Variants in NCOA2 observed in about 807,000 individuals in gnomAD.
The protein encoded by NCOA2 is nuclear receptor coactivator 2.
In NCOA2, 21 loss-of-function variants were observed where a neutral mutation model predicts 145.1. The ratio of observed to expected loss-of-function variants is 0.14; its 90% CI spans 0.10 to 0.21. NCOA2 has a LOEUF of 0.21. NCOA2 is among the 10% of genes least tolerant of loss of function. The pLI, the probability that NCOA2 is intolerant of heterozygous loss-of-function variation, is 1.00. For missense variants in NCOA2, 1,472 were observed against 1,837.6 expected (o/e 0.80, Z 3.64); for synonymous variants, 619 against 637.5 (o/e 0.97, Z 0.44).
chr8:70,327,446 T>G (rs552350839), intron 1 of NCOA2, among the ~76,000 whole-genome samples: 3 of 152,162 alleles, frequency 2.0e-5, no homozygotes, highest in Non-Finnish European at 4.4e-5. Context: ...GTTAAGTGAG[T>G]ACCAAAACTG....
In NCOA2 at chr8:70,144,655, C is replaced by G; in HGVS notation, c.2799G>C (p.Gly933=). ...QGMIGNQGNL[G]NSSTGMIGNS... ...TTGACCCCTTACCTGTGCTACTGTT[C>G]CCTAAATTTCCTTGGTTTCCTATCA... is the stretch of plus-strand genomic sequence containing the variant. The change falls in exon 13 of 23, where the codon GGG becomes GGC. Residue 933 remains glycine, a synonymous_variant. Transcript: ENST00000452400. 6.2e-7 allele frequency: 1 copy of G among 1,613,760 alleles called. No individual in the cohort carries two copies. The highest frequency in any genetic ancestry group is 8.5e-7 in the Non-Finnish European group (1 of 1,179,704).
chr8:70,423,642 G>A, the NCOA2 span, among the ~76,000 whole-genome samples: 4 of 152,256 alleles, frequency 2.6e-5, no homozygotes, highest in South Asian at 2.1e-4. Flanking sequence ...GAACATGACC[G>A]AAGGCTGACT....
the NCOA2 span, among the ~76,000 whole-genome samples, chr8:70,413,818 C>T: frequency 6.6e-6 from 1 of 152,126 alleles, no homozygotes; most frequent in Non-Finnish European, 1.5e-5. Flanking sequence ...AATGCCTCGG[C>T]CCCTGGGTTG....
chr8:70,434,395 C>T, the NCOA2 span, among the ~76,000 whole-genome samples: 1 of 152,192 alleles, frequency 6.6e-6, no homozygotes, highest in African/African-American at 2.4e-5. Context: ...GAATCTACAT[C>T]ATTATGGAGC....
At chr8:70,364,062 T>C (rs1038538797) in intron 1 of NCOA2, among the ~76,000 whole-genome samples, 1 of 148,846 alleles carries the variant, frequency 6.7e-6, no homozygotes, top group Non-Finnish European at 1.5e-5. Flanking sequence ...AAAAAAATGC[T>C]GAAGAGAAAG....
rs201929161 is a variant in NCOA2, at chr8:70,221,967, CT to C, written c.-19-5204del. 1.7e-3 allele frequency among the ~76,000 whole-genome samples: 262 copies of C among 152,190 alleles called. 2 individuals carry two copies. Among genetic ancestry groups the C allele is most frequent in the Admixed American group, 0.014 (208 of 15,276 alleles). On this transcript the variant is annotated intron_variant, in intron 2 of 22. Coordinates refer to ENST00000452400, the MANE Select transcript of NCOA2 (RefSeq NM_006540.4). ...TTATTTCCTCCCAAGTGTCATTACT[CT>C]TTTTTACTAGATCATAAGGGCTCTT...
At chr8:70,316,713 G>A (rs921973242) in intron 1 of NCOA2, among the ~76,000 whole-genome samples, 14 of 152,164 alleles carry the variant, frequency 9.2e-5, no homozygotes, top group African/African-American at 3.4e-4. Flanking sequence ...CTGAGCCAGT[G>A]TAATAAGGAA....
At chr8:70,275,769 AG>A (rs1825418012) in intron 2 of NCOA2, among the ~76,000 whole-genome samples, 2 of 152,242 alleles carry the variant, frequency 1.3e-5, no homozygotes, top group South Asian at 4.1e-4. Context: ...CTAGAGAACT[AG>A]GATGGAACAG....
chr8:70,378,576 G>A (rs993043050), intron 1 of NCOA2, among the ~76,000 whole-genome samples: 3 of 151,896 alleles, frequency 2.0e-5, no homozygotes, highest in East Asian at 1.9e-4. Context: ...TCCAAATATA[G>A]TTTCATTGAT....
chr8:70,433,464 G>A, the NCOA2 span, among the ~76,000 whole-genome samples: 12 of 152,204 alleles, frequency 7.9e-5, no homozygotes, highest in South Asian at 2.5e-3. Flanking sequence ...TGCCAATTTA[G>A]GGCCTCTGAT....
chr8:70,161,043 G>T (rs1355569861), intron 9 of NCOA2, among the ~76,000 whole-genome samples: 1 of 152,200 alleles, frequency 6.6e-6, no homozygotes, highest in African/African-American at 2.4e-5. Context: ...CCTCTGAAAA[G>T]TAGGTATCTG....
intron 1 of NCOA2, among the ~76,000 whole-genome samples, chr8:70,355,627 G>A (rs1809619245): frequency 6.7e-6 from 1 of 148,968 alleles, no homozygotes. Context: ...CATAGTTTAT[G>A]TGTGGCCCAA....
At chr8:70,403,678 C>A (rs1012968145) in intron 1 of NCOA2, 22 bp downstream of exon 1, 4 of 383,812 alleles carry the variant, frequency 1.0e-5, no homozygotes, top group Non-Finnish European at 1.9e-5. Context: ...GCCCTCGCGG[C>A]CCCGGGGGAA....
chr8:70,282,373 A>AATT (rs1359480035), intron 2 of NCOA2, among the ~76,000 whole-genome samples: 3 of 152,156 alleles, frequency 2.0e-5, no homozygotes, highest in Non-Finnish European at 4.4e-5. Context: ...CTTTTCTACT[A>AATT]ATTAATTACA....
rs531622027 is a variant in NCOA2 at position 70,201,432 on chromosome 8, T to G, written c.259+12471A>C. The stretch of plus-strand genomic sequence containing the variant: ...TTTGCACTCATGACAACACCTAAGC[T>G]GTAAGAGGCTCCATTTCTTACCTAT... On this transcript the variant is annotated intron_variant, in intron 4 of 22. Transcript: ENST00000452400. 2.6e-5 allele frequency among the ~76,000 whole-genome samples: 4 copies of G among 152,286 alleles called. No homozygotes were observed. In the East Asian group the frequency reaches 7.7e-4, roughly 29 times the overall value.
intron 7 of NCOA2, 93 bp downstream of exon 7, chr8:70,166,473 C>G: frequency 7.0e-7 from 1 of 1,425,922 alleles, no homozygotes. Context: ...TGCCTCCTCA[C>G]TTTTCTTTGG....
chr8:70,193,717 C>G (rs1009404910), intron 4 of NCOA2, among the ~76,000 whole-genome samples: 1 of 152,130 alleles, frequency 6.6e-6, no homozygotes, highest in African/African-American at 2.4e-5. Flanking sequence ...ATGAATACAC[C>G]ACTTGGAATC....
At position 70,262,330 on chromosome 8, in the gene NCOA2, T is replaced by G. The variant is rs190705377; in HGVS notation, c.-20+34414A>C. Among the ~76,000 whole-genome samples the G allele has an allele frequency of 4.6e-5, 7 of 152,360 alleles. No individual in the cohort carries two copies. The East Asian group carries it at 1.3e-3, about 29-fold the overall frequency. On this transcript the variant is annotated intron_variant, in intron 2 of 22. Transcript: ENST00000452400. The stretch of plus-strand genomic sequence containing the variant: ...CATATTTACTGTACTAACTTTCATA[T>G]AATTTTAATGATTAAGCACATGCAC...
intron 22 of NCOA2, among the ~76,000 whole-genome samples, chr8:70,118,954 T>C (rs913489568): frequency 3.4e-4 from 51 of 152,054 alleles, no homozygotes; most frequent in Non-Finnish European, 2.2e-4. Flanking sequence ...TCCGAAAGTG[T>C]TGGGATTACA....
Sources: gnomAD v4.1 joint callset for allele counts (sites outside exome capture counted in the v4.1 genomes callset) on GRCh38, gnomAD v4.1.1 for gene constraint, MANE v1.5 for transcripts, NCBI Gene and HGNC (gene_info 2026-07-23, HGNC 2026-07-21) for gene names.